The following JAML variants were observed in gnomAD, a reference collection of about 807,000 sequenced individuals.
JAML encodes junctional adhesion molecule-like.
A neutral mutation model predicts 39.3 loss-of-function variants in JAML; 25 were observed. The ratio of observed to expected loss-of-function variants is 0.64; its 90% CI spans 0.46 to 0.89. The LOEUF (loss-of-function observed/expected upper bound fraction) is 0.89, where lower values mean the gene tolerates loss of function less well. Among genes scored for constraint, JAML ranks in the 40% least tolerant of loss-of-function variants. The probability of loss-of-function intolerance (pLI) is 0.00; values close to 1 mark genes in which losing one functional copy is unlikely to be tolerated. For synonymous variants in JAML, 162 were observed against 179.2 expected (o/e 0.90, Z 0.77); for missense variants, 440 against 486.9 (o/e 0.90, Z 0.91).
intron 5 of JAML, 75 bp downstream of exon 5, chr11:118,205,807 G>T: frequency 7.3e-7 from 1 of 1,377,752 alleles, no homozygotes; most frequent in Non-Finnish European, 1.0e-6. Context: ...ACCTCCTCAT[G>T]TGCCTGATTC....
Position 118,224,388 on chromosome 11 carries a change from T to A in JAML, c.-21+553A>T, listed in dbSNP as rs139878112. Among the ~76,000 whole-genome samples the A allele has an allele frequency of 2.3e-3, 357 of 152,274 alleles. 2 individuals carry two copies. Among genetic ancestry groups the A allele is most frequent in the African/African-American group, 8.3e-3 (345 of 41,536 alleles). The stretch of plus-strand genomic sequence containing the variant: ...GATTTAAGTCTCGGGCTTCTAAAGG[T>A]TAAATATTGGTTTGTCTATAATGGG... On this transcript the variant is annotated intron_variant, in intron 1 of 9. Transcript: ENST00000356289.
intron 2 of JAML, 85 bp from the exon 3 acceptor site, chr11:118,212,646 C>A: frequency 1.3e-6 from 2 of 1,545,452 alleles, no homozygotes; most frequent in Non-Finnish European, 8.7e-7. Flanking sequence ...GAGTACTAAA[C>A]ACCCCTCTCC....
chr11:118,197,932 C>T (rs1378037215), intron 8 of JAML, 66 bp downstream of exon 8: 1 of 1,430,266 alleles, frequency 7.0e-7, no homozygotes, highest in African/African-American at 1.4e-5. Flanking sequence ...AGATATGGTT[C>T]CCGGGGGTAT....
chr11:118,205,771 A>C (rs577811167), intron 5 of JAML, 111 bp downstream of exon 5: 10 of 948,138 alleles, frequency 1.1e-5, no homozygotes, highest in Non-Finnish European at 1.5e-5. Context: ...AGTTCTGATA[A>C]GCACCAAAGC....
rs774695599 is a variant in JAML, at chr11:118,198,039, T to C, written c.964A>G (p.Ile322Val). The C allele has an allele frequency of 9.9e-6, 16 of 1,614,114 alleles. No individual in the cohort carries two copies. The highest frequency in any genetic ancestry group is 4.5e-5 in the East Asian group (2 of 44,904). The stretch of plus-strand genomic sequence containing the variant: ...TCAAAATGGCAGGGTTTTTCTTTTA[T>C]CTCTGGATTAGTCTTCTTCGTGTTC... ...VKNTKKTNPE[I>V]KEKPCHFERC... is the part of the protein sequence containing the mutation. The change falls in exon 8 of 10, where the codon ATA becomes GTA. Residue 322 changes from isoleucine to valine, a missense_variant. Coordinates refer to ENST00000356289, the MANE Select transcript of JAML (RefSeq NM_001098526.2).
chr11:118,206,957 G>C (rs1470454596), intron 4 of JAML, among the ~76,000 whole-genome samples: 1 of 152,208 alleles, frequency 6.6e-6, no homozygotes, highest in African/African-American at 2.4e-5. Context: ...CTTCCAAAGA[G>C]TGTTAAGCAA....
chr11:118,218,865 A>G (rs1342175499), intron 1 of JAML, among the ~76,000 whole-genome samples: 1 of 152,218 alleles, frequency 6.6e-6, no homozygotes, highest in African/African-American at 2.4e-5. Flanking sequence ...AATAGACACC[A>G]TTGACATTCA....
intron 1 of JAML, among the ~76,000 whole-genome samples, chr11:118,219,263 CAAA>C (rs908832791): frequency 1.3e-5 from 2 of 151,916 alleles, no homozygotes; most frequent in Non-Finnish European, 2.9e-5. Context: ...ATCAAAAAGA[CAAA>C]AAAACAACAA....
In JAML at chr11:118,200,574, C is replaced by T. The variant is rs770043620; in HGVS notation, c.811G>A (p.Gly271Ser). The change falls in exon 7 of 10, where the codon GGT (glycine) becomes AGT (serine). Residue 271 changes from glycine to serine, a missense_variant. By Grantham distance (56) the Gly-to-Ser change is moderately conservative (BLOSUM62 0). Transcript: ENST00000356289. ...TPAALRPLVLGGNQLVIIVGI... is the reference protein window; with the variant it reads ...TPAALRPLVLSGNQLVIIVGI... The stretch of plus-strand genomic sequence containing the variant: ...ACAATGATCACCAACTGATTACCAC[C>T]CAAGACCAGAGGCCTCAGGGCTGCC... The T allele has an allele frequency of 5.0e-6, 8 of 1,614,116 alleles. No individual in the cohort carries two copies. Among genetic ancestry groups the T allele is most frequent in the Non-Finnish European group, 6.8e-6 (8 of 1,180,026 alleles).
At chr11:118,195,720 A>T (rs1365782705) in intron 9 of JAML, among the ~76,000 whole-genome samples, 1 of 152,210 alleles carries the variant, frequency 6.6e-6, no homozygotes, top group East Asian at 1.9e-4. Context: ...GTTAAGAAAC[A>T]AAATCTAAGC....
At chr11:118,213,101 G>T in intron 2 of JAML, 1 of 1,477,794 alleles carries the variant, frequency 6.8e-7, no homozygotes, top group Non-Finnish European at 8.9e-7. Context: ...CTTTCCTCCT[G>T]CATTTCCACT....
At chr11:118,202,774 C>A in intron 6 of JAML, 6 of 368,484 alleles carry the variant, frequency 1.6e-5, no homozygotes, top group South Asian at 1.2e-4. Flanking sequence ...CCACAGCCAA[C>A]TCCTGAAGGC....
At chr11:118,218,348 C>T (rs1949170515) in intron 1 of JAML, among the ~76,000 whole-genome samples, 1 of 152,210 alleles carries the variant, frequency 6.6e-6, no homozygotes, top group Non-Finnish European at 1.5e-5. Flanking sequence ...CCACTTCAGC[C>T]TACCAAAGGG....
In JAML at chr11:118,212,557, A is replaced by G; in HGVS notation, c.48T>C (p.Tyr16=). Reference sequence around the variant, plus strand: ...CATTCAAGTCATTCAGGCCCAAGGAATAATCTATAGAAGTCAAAGGCAAGA... The same window carrying G: ...CATTCAAGTCATTCAGGCCCAAGGAGTAATCTATAGAAGTCAAAGGCAAGA... ...KLILLPVLLD[Y]SLGLNDLNVS... is the part of the protein sequence containing the mutation. Residue 16 remains tyrosine (Y), a synonymous_variant, in exon 3 of 10, where the codon TAT becomes TAC. Transcript: ENST00000356289. The G allele has an allele frequency of 6.2e-7, 1 of 1,613,960 alleles. No homozygotes were observed. Among genetic ancestry groups the G allele is most frequent in the Non-Finnish European group, 8.5e-7 (1 of 1,179,998 alleles).
intron 2 of JAML, chr11:118,213,066 G>C: frequency 6.4e-7 from 1 of 1,568,156 alleles, no homozygotes; most frequent in Non-Finnish European, 8.6e-7. Context: ...GCAGGTCCTT[G>C]TAATTAGGCC....
At chr11:118,195,605 G>T (rs889859636) in intron 9 of JAML, among the ~76,000 whole-genome samples, 48 of 152,192 alleles carry the variant, frequency 3.2e-4, no homozygotes, top group African/African-American at 1.1e-3. Flanking sequence ...GGCTACAGAA[G>T]TCTAAGCAAA....
Position 118,210,638 on chromosome 11 carries a change from C to T in JAML, c.273G>A (p.Met91Ile). The T allele has an allele frequency of 6.2e-7, 1 of 1,614,204 alleles. No homozygotes were observed. Among genetic ancestry groups the T allele is most frequent in the Non-Finnish European group, 8.5e-7 (1 of 1,180,026 alleles). Residue 91 changes from methionine (M) to isoleucine (I), a missense_variant, in exon 4 of 10, where the codon ATG becomes ATA. Transcript: ENST00000356289. Reference sequence around the variant, plus strand: ...AGCCATCATTGCATAAGATGTCCCCCATCAAGTGTACGCGGTTCTGGAAGC... The same window carrying T: ...AGCCATCATTGCATAAGATGTCCCCTATCAAGTGTACGCGGTTCTGGAAGC... ...IGRFQNRVHL[M>I]GDILCNDGSL...
chr11:118,196,684 A>T lies in JAML; in HGVS notation c.1092+51T>A, dbSNP rs755866037. 5 of 1,518,832 alleles carry T rather than the reference A, an allele frequency of 3.3e-6. No individual in the cohort carries two copies. In the Admixed American group the frequency reaches 8.4e-5, roughly 25 times the overall value. 94.1% of individuals were successfully genotyped at this position (1,518,832 alleles called of 1,614,324 possible). Reference sequence around the variant, plus strand: ...CAACCCAGCCACGCCCACCACCACCACCACCTGAGCCTCTGACACCTGGCT... The same window carrying T: ...CAACCCAGCCACGCCCACCACCACCTCCACCTGAGCCTCTGACACCTGGCT... On this transcript the variant is annotated intron_variant, in intron 9 of 9. Transcript: ENST00000356289.
intron 2 of JAML, chr11:118,212,944 C>T: frequency 7.4e-6 from 12 of 1,614,244 alleles, no homozygotes; most frequent in Non-Finnish European, 1.0e-5. Context: ...GTTCCTTGCT[C>T]TTAAATCTCC....
Sources: allele counts gnomAD v4.1 joint callset (sites outside exome capture counted in the v4.1 genomes callset), GRCh38; gene constraint gnomAD v4.1.1; transcripts MANE v1.5; gene names NCBI Gene and HGNC (gene_info 2026-07-23, HGNC 2026-07-21).